MYO1D: variants seen among roughly 807,000 people sequenced by gnomAD.
The protein encoded by MYO1D is unconventional myosin-Id.
MYO1D carries 83 observed loss-of-function variants against 122.0 expected under a neutral mutation model. The ratio of observed to expected loss-of-function variants is 0.68; its 90% CI spans 0.57 to 0.82. MYO1D has a LOEUF of 0.82. Ranked by LOEUF, MYO1D falls within the 40% of genes least tolerant of loss-of-function variation. MYO1D has a pLI of 0.00. For synonymous variants in MYO1D, 464 were observed against 446.9 expected, an observed-to-expected ratio of 1.04 and a Z score of -0.48; for missense variants, 1,157 against 1,269.5, an observed-to-expected ratio of 0.91 and a Z score of 1.35.
chr17:32,613,941 A>G (rs1472316127), intron 20 of MYO1D, among the ~76,000 whole-genome samples: 1 of 151,730 alleles, frequency 6.6e-6, no homozygotes, highest in Non-Finnish European at 1.5e-5. Context: ...TCAGCCAAGT[A>G]TGAAGTTTTG....
At chr17:32,723,318 T>C (rs1473913449) in intron 14 of MYO1D, among the ~76,000 whole-genome samples, 3 of 152,178 alleles carry the variant, frequency 2.0e-5, no homozygotes, top group African/African-American at 7.2e-5. Flanking sequence ...AGGGACCCTG[T>C]CCTTTAATTT....
At chr17:32,585,495 C>T (rs924924384) in intron 21 of MYO1D, among the ~76,000 whole-genome samples, 23 of 152,058 alleles carry the variant, frequency 1.5e-4, no homozygotes, top group African/African-American at 5.3e-4. Context: ...TTTGACAGGC[C>T]GAGGTGGGAG....
Position 32,765,049 on chromosome 17 carries a change from C to T in MYO1D, c.864G>A (p.Thr288=), listed in dbSNP as rs199700957. The change falls in exon 8 of 22, where the codon ACG becomes ACA. Residue 288 remains threonine (T), a synonymous_variant. Transcript: ENST00000318217. ...GNLKFVVDGD[T]PLIENGKVVS... Reference sequence around the variant, plus strand: ...CTACTTTGCCATTCTCAATAAGAGGCGTGTCACCATCTACTACAAATTTTA... The same window carrying T: ...CTACTTTGCCATTCTCAATAAGAGGTGTGTCACCATCTACTACAAATTTTA... The T allele has an allele frequency of 3.1e-5, 50 of 1,613,514 alleles. No homozygotes were observed. Among genetic ancestry groups the T allele is most frequent in the Non-Finnish European group, 4.1e-5 (48 of 1,179,648 alleles).
intron 21 of MYO1D, among the ~76,000 whole-genome samples, chr17:32,601,001 A>G (rs321169): frequency 0.64 from 95,894 of 150,024 alleles, 31,201 homozygotes; most frequent in African/African-American, 0.73. Context: ...ACCCAGGTTG[A>G]AGTGCAGTGG....
At chr17:32,769,994 A>C (rs1037709677) in intron 6 of MYO1D, among the ~76,000 whole-genome samples, 1 of 152,170 alleles carries the variant, frequency 6.6e-6, no homozygotes, top group Non-Finnish European at 1.5e-5. Context: ...TGTTGATTTC[A>C]CAATTCTTTA....
intron 21 of MYO1D, among the ~76,000 whole-genome samples, chr17:32,557,751 C>T (rs1356380570): frequency 6.6e-6 from 1 of 151,974 alleles, no homozygotes; most frequent in South Asian, 2.1e-4. Flanking sequence ...TTCAGCTTTG[C>T]AGGTCATACA....
chr17:32,760,215 A>G (rs1395800977), intron 10 of MYO1D, 75 bp downstream of exon 10: 13 of 1,231,658 alleles, frequency 1.1e-5, no homozygotes, highest in African/African-American at 3.0e-5. Context: ...AGATCAAGAA[A>G]TACCTAAAAT....
intron 1 of MYO1D, among the ~76,000 whole-genome samples, chr17:32,815,918 T>C (rs1356186825): frequency 6.6e-6 from 1 of 152,226 alleles, no homozygotes; most frequent in African/African-American, 2.4e-5. Context: ...CTAGTATCAA[T>C]AACTGAGAAT....
intron 13 of MYO1D, among the ~76,000 whole-genome samples, chr17:32,743,353 T>C (rs542214219): frequency 1.3e-5 from 2 of 152,186 alleles, no homozygotes; most frequent in Admixed American, 1.3e-4. Context: ...GCACTTTTAA[T>C]TGGGTATCCA....
In MYO1D at chr17:32,780,667, C is replaced by A. The variant is rs774157365; in HGVS notation, c.213G>T (p.Leu71=). The A allele has an allele frequency of 6.2e-7, 1 of 1,614,170 alleles. No homozygotes were observed. Among genetic ancestry groups the A allele is most frequent in the Middle Eastern group, 1.6e-4 (1 of 6,062 alleles). ...DTIEQYKGRE[L]YERPPHLFAI... ...CAAAAAGGTGAGGCGGTCTCTCATA[C>A]AGCTCACGGCCTTTATACTGCTCAA... Residue 71 remains leucine, a synonymous_variant, in exon 2 of 22, where the codon CTG becomes CTT. Coordinates refer to ENST00000318217, the MANE Select transcript of MYO1D (RefSeq NM_015194.3).
At position 32,775,935 on chromosome 17, in the gene MYO1D, A is replaced by G; in HGVS notation, c.493T>C (p.Tyr165His). The change falls in exon 4 of 22, where the codon TAC becomes CAC. Residue 165 changes from tyrosine (Y) to histidine (H), a missense_variant. By Grantham distance (83) the Tyr-to-His change is moderately conservative (BLOSUM62 2). Transcript: ENST00000318217. ...TTGAAGTCAAAGTTGATATCCATGT[A>G]TTTTCCAAACCTGCTTGAGTTGTCA... The part of the protein sequence containing the change: ...RNDNSSRFGK[Y>H]MDINFDFKGD... 1 of 1,613,902 alleles carries G rather than the reference A, an allele frequency of 6.2e-7. No homozygotes were observed. The highest frequency in any genetic ancestry group is 8.5e-7 in the Non-Finnish European group (1 of 1,179,882).
At chr17:32,810,201 CAG>C (rs1168453346) in intron 1 of MYO1D, among the ~76,000 whole-genome samples, 1 of 152,052 alleles carries the variant, frequency 6.6e-6, no homozygotes, top group African/African-American at 2.4e-5. Flanking sequence ...GAGGAAGCTG[CAG>C]AGAAGAGCAC....
chr17:32,538,279 CATCT>C (rs1910720045), intron 21 of MYO1D, among the ~76,000 whole-genome samples: 2 of 58,844 alleles, frequency 3.4e-5, no homozygotes, highest in South Asian at 9.2e-4. Context: ...TAAAATAAAT[CATCT>C]TTTTTTTTTT....
chr17:32,655,237 C>T (rs188368272), intron 17 of MYO1D, among the ~76,000 whole-genome samples: 62 of 152,148 alleles, frequency 4.1e-4, no homozygotes, highest in Non-Finnish European at 7.5e-4. Flanking sequence ...ATTCATTCAA[C>T]GAAGGTTTTC....
At chr17:32,778,088 A>G (rs1229448727) in intron 3 of MYO1D, among the ~76,000 whole-genome samples, 1 of 152,188 alleles carries the variant, frequency 6.6e-6, no homozygotes, top group East Asian at 1.9e-4. Context: ...TGTGGTGCAA[A>G]GAGCAAGGAA....
At chr17:32,757,243 CTTTG>C (rs1179253194) in intron 10 of MYO1D, among the ~76,000 whole-genome samples, 1 of 151,972 alleles carries the variant, frequency 6.6e-6, no homozygotes, top group Non-Finnish European at 1.5e-5. Context: ...GTAGTTTTTA[CTTTG>C]TTTTTTATAC....
chr17:32,867,798 C>CAAAAAAAAA (rs5820001), intron 1 of MYO1D, among the ~76,000 whole-genome samples: 2 of 53,902 alleles, frequency 3.7e-5, no homozygotes, highest in African/African-American at 7.4e-5. Flanking sequence ...GACTCCGTCT[C>CAAAAAAAAA]AAAAAAAAAA....
intron 21 of MYO1D, among the ~76,000 whole-genome samples, chr17:32,526,605 C>CTTTTTT (rs35471319): frequency 6.9e-6 from 1 of 145,596 alleles, no homozygotes. Flanking sequence ...ATAAAGCCTT[C>CTTTTTT]TTTTTTTTTT....
rs1396087973 is a variant in MYO1D, at chr17:32,712,993, G to C, written c.1914-798C>G. 3.9e-5 allele frequency among the ~76,000 whole-genome samples: 6 copies of C among 152,294 alleles called. No homozygotes were observed. The East Asian group carries it at 9.6e-4, about 24-fold the overall frequency. The stretch of plus-strand genomic sequence containing the variant: ...ATTACACAGGGCATGGATACCAGGA[G>C]GTAGAGGGCATCTTAGAAGGCTATC... On this transcript the variant is annotated intron_variant, in intron 15 of 21. Coordinates refer to ENST00000318217, the MANE Select transcript of MYO1D (RefSeq NM_015194.3).
Sources: gnomAD v4.1 joint callset for allele counts (sites outside exome capture counted in the v4.1 genomes callset) on GRCh38, gnomAD v4.1.1 for gene constraint, MANE v1.5 for transcripts, NCBI Gene and HGNC (gene_info 2026-07-23, HGNC 2026-07-21) for gene names.